The following RHD variants were observed in gnomAD, a reference collection of about 807,000 sequenced individuals.
RHD encodes blood group Rh(D) polypeptide.
Under a neutral mutation model 45.5 loss-of-function variants are expected in RHD, and 16 were observed. The observed-to-expected ratio is 0.35, with a 90% CI of 0.24 to 0.53. RHD has a LOEUF of 0.53. RHD is among the 20% of genes least tolerant of loss of function. The pLI, the probability that RHD is intolerant of heterozygous loss-of-function variation, is 0.92. For missense variants in RHD, 306 were observed against 532.0 expected, an observed-to-expected ratio of 0.58 and a Z score of 4.18; for synonymous variants, 131 against 217.5, an observed-to-expected ratio of 0.60 and a Z score of 3.50.
At chr1:25,283,669 T>A (rs1641697969) in intron 1 of RHD, among the ~76,000 whole-genome samples, 1 of 133,708 alleles carries the variant, frequency 7.5e-6, no homozygotes, top group African/African-American at 2.6e-5. Context: ...AACAAGATAG[T>A]CTATGTAAAG....
rs1396119802 is a variant in RHD, at chr1:25,305,295, C to T, written c.940-1301C>T. ...AGACATTCTAAAGGCATAGGGTCCA[C>T]CCAGGAGCATGGTGGACCCAGATCC... On this transcript the variant is annotated intron_variant, in intron 6 of 9. Transcript: ENST00000328664. Among the ~76,000 whole-genome samples the T allele has an allele frequency of 1.5e-5, 2 of 132,198 alleles. 1 individual carries two copies. Among genetic ancestry groups the T allele is most frequent in the Non-Finnish European group, 3.6e-5 (2 of 55,922 alleles). 86.7% of individuals were successfully genotyped at this position (132,198 alleles called of 152,430 possible). A position where few individuals can be genotyped will look rare whatever the true frequency, so the allele number is the denominator to read the frequency against.
At chr1:25,287,142 T>G (rs1416254382) in intron 2 of RHD, among the ~76,000 whole-genome samples, 1 of 134,824 alleles carries the variant, frequency 7.4e-6, no homozygotes, top group Non-Finnish European at 1.8e-5. Flanking sequence ...CCACCAGAAT[T>G]CAATACACAC....
intron 2 of RHD, among the ~76,000 whole-genome samples, chr1:25,288,743 C>A (rs1642251369): frequency 1.6e-5 from 2 of 126,618 alleles, no homozygotes; most frequent in African/African-American, 5.5e-5. Flanking sequence ...ACGCTCCTAA[C>A]CACTGCACAT....
intron 1 of RHD, 24 bp from the exon 2 acceptor site, chr1:25,284,549 T>C (rs775873064): frequency 2.9e-6 from 4 of 1,387,322 alleles, no homozygotes; most frequent in Middle Eastern, 1.8e-4. Flanking sequence ...CCCTCGTCCT[T>C]CTCGCCATCT....
chr1:25,315,987 T>C (rs1644418610), intron 7 of RHD, among the ~76,000 whole-genome samples: 1 of 131,294 alleles, frequency 7.6e-6, no homozygotes, highest in Non-Finnish European at 1.8e-5. Flanking sequence ...TTGCTTTGTC[T>C]TAAAAATGAG....
At chr1:25,321,006 T>C (rs1408639897) in intron 8 of RHD, among the ~76,000 whole-genome samples, 1 of 131,340 alleles carries the variant, frequency 7.6e-6, no homozygotes, top group East Asian at 2.0e-4. Context: ...ATTGTGCCAC[T>C]GCACTCCAGC....
In RHD at chr1:25,306,511, C is replaced by G. The variant is rs41301044; in HGVS notation, c.940-85C>G. ...TTAGTGCCCATCCCCCTTTGGTGGC[C>G]CCGGATACCAAGGGTGTGTGAAAGG... On this transcript the variant is annotated intron_variant, in intron 6 of 9. Transcript: ENST00000328664. 2,703 of 1,248,764 alleles carry G rather than the reference C, an allele frequency of 2.2e-3. 639 individuals are homozygous for G. Among genetic ancestry groups the G allele is most frequent in the South Asian group, 2.3e-3 (189 of 82,580 alleles). 77.4% of individuals were successfully genotyped at this position (1,248,764 alleles called of 1,614,324 possible).
In RHD at chr1:25,302,395, G is replaced by A. The variant is rs528762910; in HGVS notation, c.801+709G>A. Among the ~76,000 whole-genome samples the A allele has an allele frequency of 2.4e-5, 3 of 123,656 alleles. 1 individual carries two copies. The highest frequency in any genetic ancestry group is 5.5e-5 in the Non-Finnish European group (3 of 54,594). 81.1% of individuals were successfully genotyped at this position (123,656 alleles called of 152,430 possible). ...GGTGGGGCTCGGGTGGGAGGCACTG[G>A]GGGGGCTGGAGTGGAAAGAATGTGG... is the stretch of plus-strand genomic sequence containing the variant. On this transcript the variant is annotated intron_variant, in intron 5 of 9. Transcript: ENST00000328664.
rs1311799056 is a variant in RHD at position 25,291,870 on chromosome 1, A to G, written c.486+1079A>G. Among the ~76,000 whole-genome samples the G allele has an allele frequency of 2.3e-5, 3 of 132,658 alleles. 1 individual carries two copies. The highest frequency in any genetic ancestry group is 8.3e-3 in the Middle Eastern group (2 of 240). 87.0% of individuals were successfully genotyped at this position (132,658 alleles called of 152,430 possible). A position where few individuals can be genotyped will look rare whatever the true frequency, so the allele number is the denominator to read the frequency against. Reference sequence around the variant, plus strand: ...GAGTGAGGACATAGCCAACCTTCCCATCTCATAGGTGAGAAAGCTGATGCC... The same window carrying G: ...GAGTGAGGACATAGCCAACCTTCCCGTCTCATAGGTGAGAAAGCTGATGCC... On this transcript the variant is annotated intron_variant, in intron 3 of 9. Coordinates refer to ENST00000328664, the MANE Select transcript of RHD (RefSeq NM_016124.6).
intron 1 of RHD, among the ~76,000 whole-genome samples, chr1:25,282,040 G>T (rs1343029307): frequency 3.8e-5 from 5 of 131,812 alleles, no homozygotes; most frequent in African/African-American, 1.0e-4. Context: ...TGATTGTCAT[G>T]ATGATGTTGA....
chr1:25,306,648 A>T lies in RHD; in HGVS notation c.992A>T (p.Asn331Ile), dbSNP rs755177266. 8 of 1,378,288 alleles carry T rather than the reference A, an allele frequency of 5.8e-6. 1 individual carries two copies. In the East Asian group the frequency reaches 6.7e-5, roughly 12 times the overall value. 85.4% of individuals were successfully genotyped at this position (1,378,288 alleles called of 1,614,324 possible). Residue 331 changes from asparagine (N) to isoleucine (I), a missense_variant, in exon 7 of 10, where the codon AAC (asparagine) becomes ATC (isoleucine). Physicochemically the swap from Asn to Ile is moderately radical, Grantham distance 149. Transcript: ENST00000328664. The stretch of plus-strand genomic sequence containing the variant: ...CCCCACAGCTCCATCATGGGCTACA[A>T]CTTCAGCTTGCTGGGTCTGCTTGGA... The part of the protein sequence containing the change: ...GIPHSSIMGY[N>I]FSLLGLLGEI...
rs1344194143 is a variant in RHD at position 25,278,333 on chromosome 1, A to G, written c.148+5638A>G. The stretch of plus-strand genomic sequence containing the variant: ...TATGTTCATTCTGGGCTTGGAGTTA[A>G]GGGGCCTATGATATGCTTAGGGGAA... On this transcript the variant is annotated intron_variant, in intron 1 of 9. Coordinates refer to ENST00000328664, the MANE Select transcript of RHD (RefSeq NM_016124.6). 1.5e-5 allele frequency among the ~76,000 whole-genome samples: 2 copies of G among 130,304 alleles called. 1 individual carries two copies. The highest frequency in any genetic ancestry group is 3.6e-5 in the Non-Finnish European group (2 of 55,024). The allele number at this position is 130,304 out of a possible 152,430, so 85.5% of individuals were successfully genotyped here.
Position 25,274,330 on chromosome 1 carries a change from T to G in RHD, c.148+1635T>G, listed in dbSNP as rs1345990093. Among the ~76,000 whole-genome samples, 30 of 132,492 alleles carry G rather than the reference T, an allele frequency of 2.3e-4. 5 individuals carry two copies. The highest frequency in any genetic ancestry group is 5.2e-4 in the Non-Finnish European group (29 of 55,832). 86.9% of individuals were successfully genotyped at this position (132,492 alleles called of 152,430 possible). A position where few individuals can be genotyped will look rare whatever the true frequency, so the allele number is the denominator to read the frequency against. On this transcript the variant is annotated intron_variant, in intron 1 of 9. Coordinates refer to ENST00000328664, the MANE Select transcript of RHD (RefSeq NM_016124.6). ...GATTTAGTTTCCTTACACTTAACCA[T>G]TATGCATCATGGCCCCATTTTACAG...
chr1:25,277,051 A>G lies in RHD; in HGVS notation c.148+4356A>G, dbSNP rs576508194. On this transcript the variant is annotated intron_variant, in intron 1 of 9. Transcript: ENST00000328664. Reference sequence around the variant, plus strand: ...CACTGCACTCCAGCCTGGGCAACAGAGCGAGACTCCGTCTAAAAAAAAATG... The same window carrying G: ...CACTGCACTCCAGCCTGGGCAACAGGGCGAGACTCCGTCTAAAAAAAAATG... Among the ~76,000 whole-genome samples, 42 of 132,730 alleles carry G rather than the reference A, an allele frequency of 3.2e-4. 5 individuals carry two copies. The highest frequency in any genetic ancestry group is 8.5e-4 in the African/African-American group (33 of 38,946). The allele number at this position is 132,730 out of a possible 152,430, so 87.1% of individuals were successfully genotyped here.
In RHD at chr1:25,321,190, G is replaced by T. The variant is rs1204669691; in HGVS notation, c.1154-699G>T. On this transcript the variant is annotated intron_variant, in intron 8 of 9. Transcript: ENST00000328664. ...GAGTTGACTGGAGCCAGAGAAGACA[G>T]ACCTATAGGAGCACCCAATTGGAGT... 3.1e-5 allele frequency among the ~76,000 whole-genome samples: 4 copies of T among 129,784 alleles called. 1 individual carries two copies. The highest frequency in any genetic ancestry group is 7.3e-5 in the Non-Finnish European group (4 of 54,908). 85.1% of individuals were successfully genotyped at this position (129,784 alleles called of 152,430 possible).
In RHD at chr1:25,310,022, C is replaced by G. The variant is rs1232009928; in HGVS notation, c.1073+3293C>G. Reference sequence around the variant, plus strand: ...CCAACTTATATAGTATAAGCTATATCCAGAAAAGTGCAAATATCATACAAG... The same window carrying G: ...CCAACTTATATAGTATAAGCTATATGCAGAAAAGTGCAAATATCATACAAG... On this transcript the variant is annotated intron_variant, in intron 7 of 9. Transcript: ENST00000328664. Among the ~76,000 whole-genome samples, 5 of 132,466 alleles carry G rather than the reference C, an allele frequency of 3.8e-5. 1 individual carries two copies. Among genetic ancestry groups the G allele is most frequent in the Non-Finnish European group, 9.0e-5 (5 of 55,628 alleles). 86.9% of individuals were successfully genotyped at this position (132,466 alleles called of 152,430 possible). A position where few individuals can be genotyped will look rare whatever the true frequency, so the allele number is the denominator to read the frequency against.
rs1178628281 is a variant in RHD at position 25,314,302 on chromosome 1, G to A, written c.1074-2698G>A. ...CAATCAAACCTATTGTTTACATTTT[G>A]ATATCTCCAATAACTAACTAAATGG... On this transcript the variant is annotated intron_variant, in intron 7 of 9. Coordinates refer to ENST00000328664, the MANE Select transcript of RHD (RefSeq NM_016124.6). Among the ~76,000 whole-genome samples, 2 of 132,276 alleles carry A rather than the reference G, an allele frequency of 1.5e-5. 1 individual carries two copies. The highest frequency in any genetic ancestry group is 3.6e-5 in the Non-Finnish European group (2 of 55,870). The allele number at this position is 132,276 out of a possible 152,430, so 86.8% of individuals were successfully genotyped here.
rs113619110 is a variant in RHD, at chr1:25,280,584, A to G, written c.149-3989A>G. Among the ~76,000 whole-genome samples the G allele has an allele frequency of 3.2e-4, 39 of 120,514 alleles. 3 individuals carry two copies. In the South Asian group the frequency reaches 4.7e-3, roughly 14 times the overall value. The allele number at this position is 120,514 out of a possible 152,430, so 79.1% of individuals were successfully genotyped here. On this transcript the variant is annotated intron_variant, in intron 1 of 9. Coordinates refer to ENST00000328664, the MANE Select transcript of RHD (RefSeq NM_016124.6). Reference sequence around the variant, plus strand: ...GCCTCCCAAAGTGCTAGGATTACAGACATAAGCCACTGTGCCTGGCCTTTT... The same window carrying G: ...GCCTCCCAAAGTGCTAGGATTACAGGCATAAGCCACTGTGCCTGGCCTTTT...
intron 2 of RHD, among the ~76,000 whole-genome samples, chr1:25,288,340 C>CTT (rs1258431849): frequency 1.4e-4 from 16 of 113,530 alleles, no homozygotes; most frequent in African/African-American, 4.7e-4. Context: ...CCACACCTAG[C>CTT]TTTTTTTTTT....
Sources: gnomAD v4.1 joint callset for allele counts (sites outside exome capture counted in the v4.1 genomes callset) on GRCh38, gnomAD v4.1.1 for gene constraint, MANE v1.5 for transcripts, NCBI Gene and HGNC (gene_info 2026-07-23, HGNC 2026-07-21) for gene names.